The following ANKS1B variants were observed in gnomAD, a reference collection of about 807,000 sequenced individuals.
ANKS1B encodes ankyrin repeat and sterile alpha motif domain-containing protein 1B.
In ANKS1B, 36 loss-of-function variants were observed where a neutral mutation model predicts 148.3. That is an observed-to-expected ratio of 0.24 (90% confidence interval 0.19 to 0.32). The LOEUF (loss-of-function observed/expected upper bound fraction) is 0.32, where lower values mean the gene tolerates loss of function less well. Among genes scored for constraint, ANKS1B ranks in the 10% least tolerant of loss-of-function variants. The pLI, the probability that ANKS1B is intolerant of heterozygous loss-of-function variation, is 1.00. For missense variants in ANKS1B, 1,157 were observed against 1,542.6 expected (o/e 0.75, Z 4.19); for synonymous variants, 542 against 560.8 (o/e 0.97, Z 0.47).
chr12:99,876,885 G>A (rs2092118780), intron 1 of ANKS1B, among the ~76,000 whole-genome samples: 2 of 152,136 alleles, frequency 1.3e-5, no homozygotes, highest in South Asian at 4.1e-4. Flanking sequence ...GTCAGATGGT[G>A]CAAAAAGACT....
chr12:99,234,247 T>C (rs1325179436), intron 14 of ANKS1B, among the ~76,000 whole-genome samples: 2 of 152,140 alleles, frequency 1.3e-5, no homozygotes, highest in East Asian at 3.8e-4. Context: ...CCTTCCCAAT[T>C]GTCAAGCAAA....
intron 8 of ANKS1B, among the ~76,000 whole-genome samples, chr12:99,753,964 A>T (rs1037926099): frequency 6.6e-6 from 1 of 152,100 alleles, no homozygotes; most frequent in Non-Finnish European, 1.5e-5. Context: ...CAGAGGTTAC[A>T]GTGAGCCAAG....
At chr12:99,010,293 T>A (rs2099938549) in intron 17 of ANKS1B, among the ~76,000 whole-genome samples, 1 of 152,232 alleles carries the variant, frequency 6.6e-6, no homozygotes, top group Non-Finnish European at 1.5e-5. Context: ...GGAGTAATAT[T>A]GGTCCCTGCC....
intron 14 of ANKS1B, among the ~76,000 whole-genome samples, chr12:99,184,139 T>G (rs965676175): frequency 4.6e-5 from 7 of 152,218 alleles, no homozygotes; most frequent in African/African-American, 1.7e-4. Context: ...TGACAAGCAC[T>G]GTGTTCAGTA....
intron 12 of ANKS1B, among the ~76,000 whole-genome samples, chr12:99,389,333 G>A (rs898010692): frequency 6.6e-6 from 1 of 152,190 alleles, no homozygotes. Context: ...AAGAGGGGAA[G>A]ATGTTCTCCC....
chr12:99,169,791 T>A (rs1428073541), intron 14 of ANKS1B, among the ~76,000 whole-genome samples: 2 of 152,190 alleles, frequency 1.3e-5, no homozygotes, highest in African/African-American at 2.4e-5. Context: ...GAAAATAAGA[T>A]ACAGAGAAGT....
chr12:99,933,026 T>C (rs1481579383), intron 1 of ANKS1B, among the ~76,000 whole-genome samples: 1 of 152,200 alleles, frequency 6.6e-6, no homozygotes, highest in African/African-American at 2.4e-5. Flanking sequence ...GACTGTCTTT[T>C]TCCCCAATGT....
chr12:99,217,877 GTGAA>G (rs1738892848), intron 14 of ANKS1B, among the ~76,000 whole-genome samples: 1 of 152,130 alleles, frequency 6.6e-6, no homozygotes, highest in African/African-American at 2.4e-5. Context: ...GAGGCTCAGA[GTGAA>G]TAAGTGTCTT....
intron 19 of ANKS1B, among the ~76,000 whole-genome samples, chr12:98,828,795 G>A (rs1438618164): frequency 2.6e-5 from 4 of 152,206 alleles, no homozygotes; most frequent in African/African-American, 9.7e-5. Context: ...ATCACACAGG[G>A]TTAATCCTTC....
intron 24 of ANKS1B, among the ~76,000 whole-genome samples, 159 bp downstream of exon 24, chr12:98,780,958 C>T (rs1369959711): frequency 1.3e-5 from 2 of 151,974 alleles, no homozygotes; most frequent in African/African-American, 4.8e-5. Context: ...TGTGTGTGTA[C>T]ATGAGCGTGT....
intron 9 of ANKS1B, among the ~76,000 whole-genome samples, chr12:99,551,778 G>A (rs527280320): frequency 6.6e-6 from 1 of 152,130 alleles, no homozygotes; most frequent in South Asian, 2.1e-4. Context: ...TCCCTACTAG[G>A]TGTCACTATA....
chr12:99,196,624 A>T (rs1250185357), intron 14 of ANKS1B, among the ~76,000 whole-genome samples: 9 of 148,258 alleles, frequency 6.1e-5, no homozygotes, highest in South Asian at 4.3e-4. Flanking sequence ...TCTTTTTTTT[A>T]AATTTTATTA....
chr12:98,996,108 G>C (rs1305609827), intron 17 of ANKS1B, among the ~76,000 whole-genome samples: 1 of 152,092 alleles, frequency 6.6e-6, no homozygotes, highest in Admixed American at 6.5e-5. Context: ...AGAATATTCA[G>C]AAGAATTTTG....
At chr12:99,065,643 CCAT>C (rs1161077605) in intron 16 of ANKS1B, among the ~76,000 whole-genome samples, 522 of 26,008 alleles carry the variant, frequency 0.02, 6 homozygotes, top group South Asian at 0.092. Flanking sequence ...TCCATCCCAT[CCAT>C]CCATCCATCC....
At chr12:99,433,512 T>C (rs796283003) in intron 11 of ANKS1B, among the ~76,000 whole-genome samples, 1 of 152,158 alleles carries the variant, frequency 6.6e-6, no homozygotes, top group Non-Finnish European at 1.5e-5. Flanking sequence ...CATTGAGAAC[T>C]GCTGGCCTAG....
intron 9 of ANKS1B, among the ~76,000 whole-genome samples, chr12:99,560,531 A>G (rs2097322770): frequency 1.3e-5 from 2 of 152,300 alleles, no homozygotes; most frequent in East Asian, 3.9e-4. Context: ...ATTTTGATCC[A>G]TATCAATGAA....
chr12:99,970,601 G>A (rs2095546353), intron 1 of ANKS1B, among the ~76,000 whole-genome samples: 1 of 151,022 alleles, frequency 6.6e-6, no homozygotes, highest in Admixed American at 6.6e-5. Flanking sequence ...CAACACACAA[G>A]GTCCTTCTAT....
chr12:98,981,494 C>T (rs914882519), intron 17 of ANKS1B, among the ~76,000 whole-genome samples: 4 of 152,100 alleles, frequency 2.6e-5, no homozygotes, highest in African/African-American at 9.7e-5. Context: ...TACCACCACG[C>T]CTGGCTCATT....
At chr12:99,807,329 C>A (rs913015649) in intron 3 of ANKS1B, among the ~76,000 whole-genome samples, 1 of 152,106 alleles carries the variant, frequency 6.6e-6, no homozygotes, top group Non-Finnish European at 1.5e-5. Flanking sequence ...CACAGTACAA[C>A]ATGTGCAGCT....
Sources: allele counts gnomAD v4.1 joint callset (sites outside exome capture counted in the v4.1 genomes callset), GRCh38; gene constraint gnomAD v4.1.1; transcripts MANE v1.5; gene names NCBI Gene and HGNC (gene_info 2026-07-23, HGNC 2026-07-21).